The following NOS1AP variants were observed in gnomAD, a reference collection of about 807,000 sequenced individuals.
NOS1AP encodes carboxyl-terminal PDZ ligand of neuronal nitric oxide synthase protein.
NOS1AP carries 21 observed loss-of-function variants against 56.2 expected under a neutral mutation model. The observed-to-expected ratio is 0.37, with a 90% CI of 0.26 to 0.54. The LOEUF is 0.54. Among genes scored for constraint, NOS1AP ranks in the 20% least tolerant of loss-of-function variants. The probability of loss-of-function intolerance (pLI) is 0.84; values close to 1 mark genes in which losing one functional copy is unlikely to be tolerated. For missense variants in NOS1AP, 522 were observed against 657.8 expected (o/e 0.79, Z 2.26); for synonymous variants, 270 against 274.6 (o/e 0.98, Z 0.17).
intron 2 of NOS1AP, among the ~76,000 whole-genome samples, chr1:162,277,024 G>C (rs4489530): frequency 0.58 from 87,799 of 151,960 alleles, 27,521 homozygotes; most frequent in Non-Finnish European, 0.69. Context: ...TGTGGTTCTG[G>C]CTCCTTGCTT....
chr1:162,306,647 A>G (rs150382470), intron 4 of NOS1AP, among the ~76,000 whole-genome samples: 55 of 152,330 alleles, frequency 3.6e-4, no homozygotes, highest in Non-Finnish European at 4.3e-4. Context: ...TAATAAGAAT[A>G]GTTTCATCAG....
At chr1:162,246,759 TG>T (rs1340880959) in intron 2 of NOS1AP, among the ~76,000 whole-genome samples, 1 of 152,124 alleles carries the variant, frequency 6.6e-6, no homozygotes, top group Non-Finnish European at 1.5e-5. Flanking sequence ...ATATGATATG[TG>T]GGGTCCCTTC....
intron 6 of NOS1AP, among the ~76,000 whole-genome samples, chr1:162,352,827 A>G (rs983002232): frequency 2.0e-5 from 3 of 152,182 alleles, no homozygotes; most frequent in African/African-American, 7.2e-5. Flanking sequence ...CGACATATGA[A>G]CACCAACATT....
chr1:162,080,852 CTCTT>C (rs1456508123), intron 1 of NOS1AP, among the ~76,000 whole-genome samples: 2 of 152,168 alleles, frequency 1.3e-5, no homozygotes, highest in Admixed American at 6.5e-5. Flanking sequence ...CTGTGCCAAG[CTCTT>C]TCTATGAAAC....
intron 4 of NOS1AP, among the ~76,000 whole-genome samples, chr1:162,303,500 G>A (rs1310006403): frequency 1.3e-5 from 2 of 152,168 alleles, no homozygotes; most frequent in East Asian, 3.8e-4. Context: ...GAGTACCAGT[G>A]GTGTAATCAC....
intron 2 of NOS1AP, among the ~76,000 whole-genome samples, chr1:162,198,288 A>C (rs144287931): frequency 1.3e-5 from 2 of 152,208 alleles, no homozygotes; most frequent in Non-Finnish European, 2.9e-5. Context: ...AGCCATCTGC[A>C]TACGAATTGG....
At chr1:162,212,761 GGA>G (rs1337998816) in intron 2 of NOS1AP, among the ~76,000 whole-genome samples, 1 of 152,128 alleles carries the variant, frequency 6.6e-6, no homozygotes, top group Non-Finnish European at 1.5e-5. Context: ...AGATGGCTGT[GGA>G]GAGTCTCCTA....
At chr1:162,107,697 C>G (rs2102037365) in intron 1 of NOS1AP, among the ~76,000 whole-genome samples, 1 of 152,208 alleles carries the variant, frequency 6.6e-6, no homozygotes, top group South Asian at 2.1e-4. Flanking sequence ...CCAAATAAAT[C>G]TAAGTGTGTA....
intron 4 of NOS1AP, chr1:162,317,603 A>G (rs1656271784): frequency 6.6e-6 from 1 of 152,230 alleles, no homozygotes; most frequent in South Asian, 2.1e-4. Context: ...CCAAGAGAGC[A>G]TGTAGTATTG....
chr1:162,344,179 A>C (rs1196882688), intron 6 of NOS1AP, among the ~76,000 whole-genome samples: 2 of 152,238 alleles, frequency 1.3e-5, no homozygotes, highest in Admixed American at 6.5e-5. Flanking sequence ...TTATTAAATG[A>C]GGAAGTATTT....
intron 8 of NOS1AP, among the ~76,000 whole-genome samples, chr1:162,359,722 G>A (rs1115779): frequency 4.1e-4 from 61 of 147,710 alleles, no homozygotes; most frequent in East Asian, 2.1e-3. Context: ...CTCTACGCGG[G>A]GGGGGGCTGA....
At chr1:162,253,007 T>C (rs922175228) in intron 2 of NOS1AP, among the ~76,000 whole-genome samples, 1 of 152,182 alleles carries the variant, frequency 6.6e-6, no homozygotes, top group African/African-American at 2.4e-5. Context: ...TCTGCTATGG[T>C]TTGAATGTTT....
intron 4 of NOS1AP, among the ~76,000 whole-genome samples, chr1:162,319,661 C>T (rs937660476): frequency 3.9e-5 from 6 of 152,142 alleles, no homozygotes; most frequent in African/African-American, 1.4e-4. Context: ...GCTCAGCAGC[C>T]CTCCCCACTG....
Position 162,164,433 on chromosome 1 carries a change from C to A in NOS1AP, c.177+9957C>A, listed in dbSNP as rs139857539. 2.0e-5 allele frequency among the ~76,000 whole-genome samples: 3 copies of A among 152,318 alleles called. No homozygotes were observed. The East Asian group carries it at 5.8e-4, about 29-fold the overall frequency. ...AACTCAGTGACATTAAATACATTCA[C>A]AATACTTTGTATCCATCACCACTAT... On this transcript the variant is annotated intron_variant, in intron 2 of 9. Transcript: ENST00000361897.
chr1:162,127,925 C>T (rs1471590135), intron 1 of NOS1AP, among the ~76,000 whole-genome samples: 1 of 152,156 alleles, frequency 6.6e-6, no homozygotes, highest in African/African-American at 2.4e-5. Context: ...CTGCATATAA[C>T]TACAAACATT....
intron 1 of NOS1AP, among the ~76,000 whole-genome samples, chr1:162,089,084 T>C (rs946470423): frequency 2.0e-5 from 3 of 152,204 alleles, no homozygotes; most frequent in Non-Finnish European, 4.4e-5. Context: ...AAGACCATTA[T>C]CTTGGCACCA....
intron 9 of NOS1AP, chr1:162,366,795 G>T: frequency 3.4e-6 from 2 of 586,138 alleles, no homozygotes; most frequent in Non-Finnish European, 6.3e-6. Flanking sequence ...GCCTTCAGTG[G>T]CTACCAGAAC....
At position 162,312,163 on chromosome 1, in the gene NOS1AP, T is replaced by C. The variant is rs1269154944; in HGVS notation, c.344+11457T>C. Among the ~76,000 whole-genome samples the C allele has an allele frequency of 1.9e-3, 275 of 147,076 alleles. 1 individual carries two copies. The highest frequency in any genetic ancestry group is 6.8e-3 in the African/African-American group (256 of 37,576). ...GATCCCTGAGGAATCGCCACACTGA[T>C]TTCCACAATGGTTGAACTAGTTTAC... On this transcript the variant is annotated intron_variant, in intron 4 of 9. Transcript: ENST00000361897.
At chr1:162,258,439 A>T (rs917788612) in intron 2 of NOS1AP, among the ~76,000 whole-genome samples, 1 of 152,108 alleles carries the variant, frequency 6.6e-6, no homozygotes. Flanking sequence ...ACATAGGTGC[A>T]TCTTATCTGG....
Sources: gnomAD v4.1 joint callset for allele counts (sites outside exome capture counted in the v4.1 genomes callset) on GRCh38, gnomAD v4.1.1 for gene constraint, MANE v1.5 for transcripts, NCBI Gene and HGNC (gene_info 2026-07-23, HGNC 2026-07-21) for gene names.